The following TMPRSS15 variants were observed in gnomAD, a reference collection of about 807,000 sequenced individuals.
TMPRSS15 encodes the protein transmembrane serine protease 15, also known as enteropeptidase.
A neutral mutation model predicts 125.3 loss-of-function variants in TMPRSS15; 128 were observed. The observed-to-expected ratio is 1.02, with a 90% CI of 0.89 to 1.18. The LOEUF is 1.18. Ranked by LOEUF, TMPRSS15 falls within the 50% of genes most tolerant of loss-of-function variation. The probability of loss-of-function intolerance (pLI) is 0.00; values close to 1 mark genes in which losing one functional copy is unlikely to be tolerated. For synonymous variants in TMPRSS15, 446 were observed against 423.2 expected, an observed-to-expected ratio of 1.05 and a Z score of -0.66; for missense variants, 1,283 against 1,212.7, an observed-to-expected ratio of 1.06 and a Z score of -0.86.
At chr21:18,428,233 C>A (rs548184701) in intron 1 of TMPRSS15, among the ~76,000 whole-genome samples, 1 of 152,148 alleles carries the variant, frequency 6.6e-6, no homozygotes, top group South Asian at 2.1e-4. Context: ...CTGTGGAGTC[C>A]TTACAGTAGT....
chr21:18,439,412 C>T (rs1426261127), intron 1 of TMPRSS15, among the ~76,000 whole-genome samples: 1 of 151,998 alleles, frequency 6.6e-6, no homozygotes, highest in African/African-American at 2.4e-5. Flanking sequence ...AGTTTTTATT[C>T]TTTACTCAAA....
chr21:18,338,986 T>C (rs1277288701), intron 13 of TMPRSS15, among the ~76,000 whole-genome samples: 1 of 152,164 alleles, frequency 6.6e-6, no homozygotes, highest in Non-Finnish European at 1.5e-5. Flanking sequence ...CCTTAAAGCC[T>C]TCTTCTGCTC....
At chr21:18,282,023 G>C (rs1368862242) in intron 21 of TMPRSS15, among the ~76,000 whole-genome samples, 24 of 149,306 alleles carry the variant, frequency 1.6e-4, no homozygotes, top group Non-Finnish European at 3.1e-4. Flanking sequence ...GCGTGAACCC[G>C]GGGGGCGGAG....
chr21:18,446,232 A>G (rs2123244247), intron 1 of TMPRSS15, among the ~76,000 whole-genome samples: 1 of 152,342 alleles, frequency 6.6e-6, no homozygotes, highest in African/African-American at 2.4e-5. Context: ...TAAAATACCT[A>G]GGAATCAATT....
chr21:18,479,556 A>C (rs993240673), intron 1 of TMPRSS15, among the ~76,000 whole-genome samples: 1 of 152,030 alleles, frequency 6.6e-6, no homozygotes, highest in Non-Finnish European at 1.5e-5. Flanking sequence ...ACAAACAAAC[A>C]ACCCCATCAG....
chr21:18,450,593 T>C (rs571599199), intron 1 of TMPRSS15, among the ~76,000 whole-genome samples: 2 of 152,282 alleles, frequency 1.3e-5, no homozygotes, highest in African/African-American at 4.8e-5. Flanking sequence ...TTAATCCTCT[T>C]CCTTTACTGG....
chr21:18,484,117 A>G (rs144888516), intron 1 of TMPRSS15, among the ~76,000 whole-genome samples: 112 of 151,986 alleles, frequency 7.4e-4, no homozygotes, highest in African/African-American at 2.0e-3. Flanking sequence ...TTGTGTAATC[A>G]TACCACAATC....
chr21:18,459,691 C>T (rs140536184), intron 1 of TMPRSS15, among the ~76,000 whole-genome samples: 2 of 152,138 alleles, frequency 1.3e-5, no homozygotes, highest in African/African-American at 4.8e-5. Context: ...AGAATGTTTA[C>T]CTTTCATATA....
At chr21:18,430,659 ATTAGC>A (rs2076214784) in intron 1 of TMPRSS15, among the ~76,000 whole-genome samples, 1 of 152,174 alleles carries the variant, frequency 6.6e-6, no homozygotes, top group South Asian at 2.1e-4. Flanking sequence ...AACACCAAAT[ATTAGC>A]TTGTCAAATT....
At chr21:18,403,407 C>T in intron 1 of TMPRSS15, 71 bp downstream of exon 1, 1 of 1,599,818 alleles carries the variant, frequency 6.3e-7, no homozygotes, top group Non-Finnish European at 8.6e-7. Context: ...AATAGACTTA[C>T]AGAATAACTG....
At position 18,273,953 on chromosome 21, in the gene TMPRSS15, G is replaced by A. The variant is rs79777839; in HGVS notation, c.2904+1244C>T. 1.0e-2 allele frequency among the ~76,000 whole-genome samples: 1,515 copies of A among 152,160 alleles called. 28 individuals are homozygous for A. The highest frequency in any genetic ancestry group is 0.034 in the African/African-American group (1,404 of 41,520). ...GAATAAGCGTCAATTTAGATGGCTC[G>A]TCATGTATTGATAGTATGACATATA... On this transcript the variant is annotated intron_variant, in intron 24 of 24. Coordinates refer to ENST00000284885, the MANE Select transcript of TMPRSS15 (RefSeq NM_002772.3).
At chr21:18,411,435 T>C (rs923359383) in intron 1 of TMPRSS15, among the ~76,000 whole-genome samples, 41 of 152,310 alleles carry the variant, frequency 2.7e-4, no homozygotes, top group Non-Finnish European at 8.8e-5. Flanking sequence ...TTCATGATTT[T>C]TATGGTTCCT....
At chr21:18,271,360 T>A (rs910283285) in intron 24 of TMPRSS15, among the ~76,000 whole-genome samples, 5 of 152,224 alleles carry the variant, frequency 3.3e-5, no homozygotes, top group Admixed American at 3.3e-4. Flanking sequence ...TTTTTACATA[T>A]CTTCTAAAAC....
intron 5 of TMPRSS15, among the ~76,000 whole-genome samples, chr21:18,377,901 T>C (rs1044377572): frequency 1.1e-4 from 17 of 152,176 alleles, no homozygotes; most frequent in Non-Finnish European, 2.2e-4. Context: ...CAATTCTTTA[T>C]ACTTTTAACA....
At chr21:18,396,347 T>C (rs768817827) in intron 3 of TMPRSS15, among the ~76,000 whole-genome samples, 22 of 152,116 alleles carry the variant, frequency 1.4e-4, no homozygotes, top group South Asian at 4.1e-4. Flanking sequence ...CAAAACTCCA[T>C]TCAAACACAT....
chr21:18,476,830 A>T (rs751403839), intron 1 of TMPRSS15, among the ~76,000 whole-genome samples: 2 of 152,134 alleles, frequency 1.3e-5, no homozygotes, highest in Non-Finnish European at 2.9e-5. Context: ...AGATAATAAT[A>T]ATGCCATTAA....
chr21:18,332,693 C>T (rs1210621531), intron 13 of TMPRSS15, among the ~76,000 whole-genome samples: 1 of 152,126 alleles, frequency 6.6e-6, no homozygotes, highest in African/African-American at 2.4e-5. Context: ...GGTAATTTCT[C>T]AAAGACCTAA....
chr21:18,344,282 T>A (rs996626096), intron 10 of TMPRSS15, among the ~76,000 whole-genome samples: 1 of 152,158 alleles, frequency 6.6e-6, no homozygotes, highest in Non-Finnish European at 1.5e-5. Flanking sequence ...TCCCACTTTA[T>A]TAAACAAGAG....
intron 19 of TMPRSS15, among the ~76,000 whole-genome samples, chr21:18,296,133 A>G (rs1321637508): frequency 1.3e-5 from 2 of 152,226 alleles, no homozygotes; most frequent in Non-Finnish European, 2.9e-5. Context: ...AGCCTGGGCA[A>G]CAGAGCGAGA....
Sources: gnomAD v4.1 joint callset for allele counts (sites outside exome capture counted in the v4.1 genomes callset) on GRCh38, gnomAD v4.1.1 for gene constraint, MANE v1.5 for transcripts, NCBI Gene and HGNC (gene_info 2026-07-23, HGNC 2026-07-21) for gene names.